Variants in PEBP4 observed in about 807,000 individuals in gnomAD.
PEBP4 encodes phosphatidylethanolamine binding protein 4, also known as phosphatidylethanolamine-binding protein 4.
Under a neutral mutation model 23.9 loss-of-function variants are expected in PEBP4, and 22 were observed. The observed-to-expected ratio is 0.92, with a 90% confidence interval of 0.66 to 1.31. The LOEUF (loss-of-function observed/expected upper bound fraction) is 1.31, where lower values mean the gene tolerates loss of function less well. Ranked by LOEUF, PEBP4 falls within the 40% of genes most tolerant of loss-of-function variation. PEBP4 has a pLI of 0.00. For synonymous variants in PEBP4, 112 were observed against 99.3 expected, an observed-to-expected ratio of 1.13 and a Z score of -0.76; for missense variants, 324 against 281.7, an observed-to-expected ratio of 1.15 and a Z score of -1.07.
intron 4 of PEBP4, among the ~76,000 whole-genome samples, chr8:22,787,619 A>G (rs184015067): frequency 1.9e-4 from 29 of 152,332 alleles, no homozygotes; most frequent in Non-Finnish European, 3.5e-4. Flanking sequence ...CTGCTTACGC[A>G]GTCAACAAAC....
intron 4 of PEBP4, 48 bp from the exon 5 acceptor site, chr8:22,727,268 T>C (rs1329016718): frequency 6.3e-7 from 1 of 1,589,258 alleles, no homozygotes; most frequent in Non-Finnish European, 8.6e-7. Flanking sequence ...TGGGCACACT[T>C]CAGGCCACGT....
chr8:22,872,253 T>C (rs1031202675), intron 3 of PEBP4, among the ~76,000 whole-genome samples: 1 of 152,212 alleles, frequency 6.6e-6, no homozygotes, highest in Non-Finnish European at 1.5e-5. Flanking sequence ...ACATGGGTCT[T>C]TTTAACTCTA....
intron 1 of PEBP4, among the ~76,000 whole-genome samples, chr8:22,938,528 G>A (rs557223436): frequency 6.6e-6 from 1 of 152,216 alleles, no homozygotes; most frequent in African/African-American, 2.4e-5. Context: ...GTATTTCTCT[G>A]TCACTAGGCT....
At chr8:22,760,870 C>G (rs145905879) in intron 4 of PEBP4, among the ~76,000 whole-genome samples, 1 of 152,162 alleles carries the variant, frequency 6.6e-6, no homozygotes. Context: ...GAGGTCTAGA[C>G]CAGGTGACCT....
intron 4 of PEBP4, among the ~76,000 whole-genome samples, chr8:22,772,468 G>A (rs1805734788): frequency 6.6e-6 from 1 of 150,756 alleles, no homozygotes; most frequent in African/African-American, 2.4e-5. Flanking sequence ...TTGTGGGGCA[G>A]GGCAGGTATT....
chr8:22,840,548 C>CT lies in PEBP4; in HGVS notation c.259-22814dup, dbSNP rs563050028. Among the ~76,000 whole-genome samples the CT allele has an allele frequency of 2.2e-3, 332 of 151,982 alleles. No individual in the cohort carries two copies. In the South Asian group the frequency reaches 0.024, roughly 11 times the overall value. ...TAAGCCACCGTGCCCAGCCTTGGTT[C>CT]TTTTGTTAGGGAATTGGAAGGGTGA... On this transcript the variant is annotated intron_variant, in intron 3 of 6. Coordinates refer to ENST00000256404, the MANE Select transcript of PEBP4 (RefSeq NM_144962.3).
At chr8:22,785,318 G>A (rs777865366) in intron 4 of PEBP4, among the ~76,000 whole-genome samples, 1 of 152,208 alleles carries the variant, frequency 6.6e-6, no homozygotes, top group Non-Finnish European at 1.5e-5. Context: ...TGTGTCCTCA[G>A]TTAAATTCCT....
intron 3 of PEBP4, among the ~76,000 whole-genome samples, chr8:22,833,090 TC>T (rs1057416341): frequency 4.6e-5 from 7 of 152,260 alleles, no homozygotes; most frequent in African/African-American, 1.7e-4. Context: ...TGCCCATGCT[TC>T]CCCCGTATTC....
At chr8:22,746,478 CAGAGAAGAA>C (rs780110438) in intron 4 of PEBP4, among the ~76,000 whole-genome samples, 5 of 152,062 alleles carry the variant, frequency 3.3e-5, no homozygotes, top group Non-Finnish European at 7.4e-5. Flanking sequence ...AGATCTCAGC[CAGAGAAGAA>C]AGCCAGAGCT....
chr8:22,742,966 G>A (rs916402076), intron 4 of PEBP4, among the ~76,000 whole-genome samples: 15 of 152,200 alleles, frequency 9.9e-5, no homozygotes, highest in African/African-American at 3.6e-4. Context: ...GAGAGCCTTG[G>A]GGGAACAGGG....
chr8:22,899,713 G>C lies in PEBP4; in HGVS notation c.258+20471C>G, dbSNP rs567775845. 5.9e-5 allele frequency among the ~76,000 whole-genome samples: 9 copies of C among 152,278 alleles called. No individual in the cohort carries two copies. In the South Asian group the frequency reaches 1.9e-3, roughly 32 times the overall value. Reference sequence around the variant, plus strand: ...GAGGAGGGTGCCAGGCATCTCATCTGCTCAATGCTAGAAAGGAAATTAAAA... The same window carrying C: ...GAGGAGGGTGCCAGGCATCTCATCTCCTCAATGCTAGAAAGGAAATTAAAA... On this transcript the variant is annotated intron_variant, in intron 3 of 6. Coordinates refer to ENST00000256404, the MANE Select transcript of PEBP4 (RefSeq NM_144962.3).
intron 4 of PEBP4, among the ~76,000 whole-genome samples, chr8:22,769,958 T>C (rs12546464): frequency 0.21 from 31,633 of 152,064 alleles, 3,406 homozygotes; most frequent in East Asian, 0.27. Context: ...TGTGACTCCC[T>C]ATTCCTGCCA....
intron 4 of PEBP4, among the ~76,000 whole-genome samples, chr8:22,786,424 A>G (rs1055313458): frequency 1.3e-5 from 2 of 152,084 alleles, no homozygotes; most frequent in South Asian, 4.1e-4. Flanking sequence ...CTGGGACTAC[A>G]GTTGCACGCC....
chr8:22,940,484 A>ATTTT (rs1809595592), intron 1 of PEBP4, among the ~76,000 whole-genome samples: 4 of 79,932 alleles, frequency 5.0e-5, no homozygotes, highest in South Asian at 4.4e-4. Context: ...TTTACCATGA[A>ATTTT]TTTCTCTTTT....
At chr8:22,753,924 T>C (rs2128752103) in intron 4 of PEBP4, among the ~76,000 whole-genome samples, 1 of 152,276 alleles carries the variant, frequency 6.6e-6, no homozygotes, top group East Asian at 1.9e-4. Flanking sequence ...CCCCACAACC[T>C]CTGCTGATTC....
intron 4 of PEBP4, among the ~76,000 whole-genome samples, chr8:22,774,186 C>T (rs1805771205): frequency 6.6e-6 from 1 of 152,230 alleles, no homozygotes; most frequent in Non-Finnish European, 1.5e-5. Flanking sequence ...CTTGCTGCTC[C>T]TTTCTTTGCT....
chr8:22,755,297 G>A (rs1429441660), intron 4 of PEBP4, among the ~76,000 whole-genome samples: 1 of 150,858 alleles, frequency 6.6e-6, no homozygotes, highest in Non-Finnish European at 1.5e-5. Flanking sequence ...AGGGCTTTGG[G>A]CCAAAATCGT....
chr8:22,796,011 T>C (rs747855293), intron 4 of PEBP4, among the ~76,000 whole-genome samples: 4 of 152,200 alleles, frequency 2.6e-5, no homozygotes, highest in South Asian at 2.1e-4. Context: ...ATGTTTACAA[T>C]TGGAATGGTG....
chr8:22,829,591 A>C (rs1470695262), intron 3 of PEBP4, among the ~76,000 whole-genome samples: 1 of 152,136 alleles, frequency 6.6e-6, no homozygotes, highest in African/African-American at 2.4e-5. Context: ...GTCTTAGTGA[A>C]GCTGAGTGGC....
Sources: gnomAD v4.1 joint callset for allele counts (sites outside exome capture counted in the v4.1 genomes callset) on GRCh38, gnomAD v4.1.1 for gene constraint, MANE v1.5 for transcripts, NCBI Gene and HGNC (gene_info 2026-07-23, HGNC 2026-07-21) for gene names.